The following KIAA1217 variants were observed in gnomAD, a reference collection of about 807,000 sequenced individuals.
KIAA1217 encodes the protein KIAA1217.
KIAA1217 carries 88 observed loss-of-function variants against 163.9 expected under a neutral mutation model. That is an observed-to-expected ratio of 0.54 (90% CI 0.45 to 0.64). The LOEUF is 0.64. Among genes scored for constraint, KIAA1217 ranks in the 30% least tolerant of loss-of-function variants. The probability of loss-of-function intolerance (pLI) is 0.00; values close to 1 mark genes in which losing one functional copy is unlikely to be tolerated. For missense variants in KIAA1217, 2,372 were observed against 2,475.0 expected (o/e 0.96, Z 0.88); for synonymous variants, 903 against 923.1 (o/e 0.98, Z 0.39).
chr10:24,352,165 G>A (rs1221631678), intron 2 of KIAA1217, among the ~76,000 whole-genome samples: 1 of 152,304 alleles, frequency 6.6e-6, no homozygotes, highest in South Asian at 2.1e-4. Flanking sequence ...GTGGAAAAGA[G>A]GTCAGCAAAT....
intron 1 of KIAA1217, among the ~76,000 whole-genome samples, chr10:23,710,211 G>A (rs552399040): frequency 6.6e-6 from 1 of 152,288 alleles, no homozygotes; most frequent in South Asian, 2.1e-4. Context: ...GAGTCCCTGA[G>A]CTGCATTACA....
At chr10:24,456,819 C>T (rs748838777) in intron 5 of KIAA1217, among the ~76,000 whole-genome samples, 23 of 151,698 alleles carry the variant, frequency 1.5e-4, no homozygotes, top group Non-Finnish European at 2.8e-4. Flanking sequence ...TCTCCTGCCT[C>T]AGCCTCCCGA....
At chr10:23,915,052 C>G in intron 1 of KIAA1217, among the ~76,000 whole-genome samples, 1 of 150,890 alleles carries the variant, frequency 6.6e-6, no homozygotes, top group South Asian at 2.1e-4. Context: ...AAAGAGAACC[C>G]TACAAGAAAT....
At chr10:23,740,391 CTG>C in intron 1 of KIAA1217, among the ~76,000 whole-genome samples, 1 of 152,252 alleles carries the variant, frequency 6.6e-6, no homozygotes, top group East Asian at 1.9e-4. Flanking sequence ...AAACAGGGCA[CTG>C]TGTTGCCCAG....
At chr10:23,793,362 C>T (rs183480496) in intron 1 of KIAA1217, among the ~76,000 whole-genome samples, 3 of 152,150 alleles carry the variant, frequency 2.0e-5, no homozygotes, top group African/African-American at 7.2e-5. Context: ...GTGCTTTTGC[C>T]TTGGGCATGA....
Position 24,524,746 on chromosome 10 carries a change from C to A in KIAA1217, c.2880C>A (p.Asn960Lys). 1 of 1,600,296 alleles carries A rather than the reference C, an allele frequency of 6.2e-7. No individual in the cohort carries two copies. Among genetic ancestry groups the A allele is most frequent in the Non-Finnish European group, 8.5e-7 (1 of 1,169,846 alleles). The change falls in exon 13 of 21, where the codon AAC becomes AAA. Residue 960 changes from asparagine to lysine, a missense_variant. This residue lies in a region of KIAA1217 where 1,431 missense variants were observed against 1,470.3 expected (regional missense o/e 0.97). Transcript: ENST00000376454. ...IEEIHSVSAKNRAVSIEKAEK... is the reference protein window; with the variant it reads ...IEEIHSVSAKKRAVSIEKAEK... ...AAATCCACAGTGTGAGTGCCAAGAA[C>A]AGGGCAGTGTCTATCGAGGTAGAGT...
intron 2 of KIAA1217, among the ~76,000 whole-genome samples, chr10:24,335,129 C>T (rs182041609): frequency 5.3e-5 from 8 of 152,168 alleles, no homozygotes; most frequent in South Asian, 4.1e-4. Context: ...AAAAACATTA[C>T]GCTATGGGAA....
intron 1 of KIAA1217, among the ~76,000 whole-genome samples, chr10:23,898,269 T>A (rs1564516688): frequency 1.3e-5 from 2 of 151,336 alleles, no homozygotes. Context: ...AATTCTGGCT[T>A]TAAAAAAGTT....
intron 2 of KIAA1217, among the ~76,000 whole-genome samples, chr10:24,250,599 AT>A (rs1161956566): frequency 5.9e-4 from 1 of 1,694 alleles, no homozygotes; most frequent in Non-Finnish European, 1.1e-3. Context: ...CGCCTTGCTA[AT>A]TTTTTTTTTT....
At chr10:23,817,002 T>A (rs1351280873) in intron 1 of KIAA1217, among the ~76,000 whole-genome samples, 2 of 152,232 alleles carry the variant, frequency 1.3e-5, no homozygotes, top group Non-Finnish European at 2.9e-5. Context: ...CAATGAGCAG[T>A]GCAGAATATG....
At chr10:23,701,809 A>T (rs983923702) in intron 1 of KIAA1217, among the ~76,000 whole-genome samples, 1 of 152,198 alleles carries the variant, frequency 6.6e-6, no homozygotes, top group African/African-American at 2.4e-5. Context: ...TGTACGTGTT[A>T]AAGTTTAGTA....
chr10:24,434,317 G>T (rs566960870), intron 4 of KIAA1217, among the ~76,000 whole-genome samples: 1 of 152,196 alleles, frequency 6.6e-6, no homozygotes, highest in East Asian at 1.9e-4. Flanking sequence ...AGGATTACAG[G>T]TGTGAGCCAC....
chr10:24,435,558 A>G (rs2059950234), intron 4 of KIAA1217, among the ~76,000 whole-genome samples: 2 of 152,212 alleles, frequency 1.3e-5, no homozygotes, highest in Non-Finnish European at 2.9e-5. Flanking sequence ...TGAGGTTATT[A>G]TGAGTAATTG....
intron 4 of KIAA1217, among the ~76,000 whole-genome samples, chr10:24,437,524 G>A (rs183121739): frequency 1.0e-3 from 158 of 152,278 alleles, no homozygotes; most frequent in African/African-American, 3.5e-3. Context: ...TAGCCCAGCC[G>A]GCATTGGAAG....
At chr10:24,274,712 A>G (rs1179386265) in intron 2 of KIAA1217, among the ~76,000 whole-genome samples, 1 of 152,090 alleles carries the variant, frequency 6.6e-6, no homozygotes, top group East Asian at 1.9e-4. Context: ...TTATCAACCA[A>G]TCAACAAAAA....
intron 1 of KIAA1217, among the ~76,000 whole-genome samples, chr10:23,892,861 G>T (rs1841473864): frequency 6.6e-6 from 1 of 151,926 alleles, no homozygotes; most frequent in Admixed American, 6.6e-5. Context: ...CGACCTGGTT[G>T]TAAAGGAAAT....
intron 1 of KIAA1217, among the ~76,000 whole-genome samples, chr10:23,828,596 T>A (rs931800656): frequency 1.3e-5 from 2 of 152,202 alleles, no homozygotes; most frequent in Non-Finnish European, 2.9e-5. Flanking sequence ...AGCTAAATGT[T>A]TTTGATTAAC....
intron 1 of KIAA1217, among the ~76,000 whole-genome samples, chr10:23,760,656 A>G (rs919530778): frequency 7.9e-5 from 12 of 152,178 alleles, no homozygotes; most frequent in African/African-American, 2.9e-4. Flanking sequence ...AATAGTAAGA[A>G]CAAGTCAGGT....
chr10:24,314,774 C>A (rs1465767622), intron 2 of KIAA1217, among the ~76,000 whole-genome samples: 1 of 151,910 alleles, frequency 6.6e-6, no homozygotes, highest in Non-Finnish European at 1.5e-5. Context: ...AACCCCATCT[C>A]TACTAAAAAT....
Sources: allele counts gnomAD v4.1 joint callset (sites outside exome capture counted in the v4.1 genomes callset), GRCh38; gene constraint gnomAD v4.1.1; regional missense constraint gnomAD v4.1.1; transcripts MANE v1.5; gene names NCBI Gene and HGNC (gene_info 2026-07-23, HGNC 2026-07-21).